NRXN1: variants seen among roughly 807,000 people sequenced by gnomAD.
NRXN1 encodes the protein neurexin 1, also known as neurexin-1.
In NRXN1, 39 loss-of-function variants were observed where a neutral mutation model predicts 150.9. The observed-to-expected ratio is 0.26, with a 90% CI of 0.20 to 0.34. The LOEUF (loss-of-function observed/expected upper bound fraction) is 0.34, where lower values mean the gene tolerates loss of function less well. NRXN1 is among the 10% of genes least tolerant of loss of function. The pLI, the probability that NRXN1 is intolerant of heterozygous loss-of-function variation, is 1.00. For synonymous variants in NRXN1, 924 were observed against 757.0 expected (o/e 1.22, Z -3.62); for missense variants, 1,815 against 1,949.9 (o/e 0.93, Z 1.30).
intron 5 of NRXN1, among the ~76,000 whole-genome samples, chr2:50,640,355 G>T (rs1437318528): frequency 1.3e-5 from 2 of 151,900 alleles, no homozygotes; most frequent in Non-Finnish European, 2.9e-5. Flanking sequence ...AAAACCTTAT[G>T]GTTCTTTAAA....
intron 8 of NRXN1, among the ~76,000 whole-genome samples, chr2:50,586,143 C>T (rs141176675): frequency 6.9e-4 from 105 of 152,256 alleles, no homozygotes; most frequent in African/African-American, 1.9e-3. Flanking sequence ...GTCTGAAATG[C>T]CCCAAACCTA....
intron 17 of NRXN1, among the ~76,000 whole-genome samples, chr2:50,262,575 T>G (rs912937816): frequency 2.6e-5 from 4 of 152,000 alleles, no homozygotes; most frequent in Admixed American, 6.6e-5. Flanking sequence ...AATTCCTACT[T>G]AGAAGAACAG....
At chr2:50,987,087 CAA>C (rs1697839218) in intron 2 of NRXN1, among the ~76,000 whole-genome samples, 1 of 151,760 alleles carries the variant, frequency 6.6e-6, no homozygotes, top group South Asian at 2.1e-4. Context: ...ACAAATTAAA[CAA>C]GAGGAGAAAA....
intron 17 of NRXN1, among the ~76,000 whole-genome samples, chr2:50,421,293 A>G (rs975730384): frequency 1.3e-5 from 2 of 152,084 alleles, no homozygotes; most frequent in African/African-American, 4.8e-5. Flanking sequence ...TGTTGTATGC[A>G]TCGGTAAGGA....
At chr2:50,293,461 T>C (rs1010497434) in intron 17 of NRXN1, among the ~76,000 whole-genome samples, 1 of 152,146 alleles carries the variant, frequency 6.6e-6, no homozygotes, top group African/African-American at 2.4e-5. Flanking sequence ...TAGCCCTGCA[T>C]AGGGAAGAAG....
chr2:49,920,388 C>T lies in NRXN1; in HGVS notation c.*1556G>A, dbSNP rs550968792. On this transcript the variant is annotated 3_prime_UTR_variant, in exon 23 of 23. Coordinates refer to ENST00000401669, the MANE Select transcript of NRXN1 (RefSeq NM_001330078.2). ...ATTATTTTATTAGAAAGAAAGTTTT[C>T]AATTGCAGCAGCCAGAGTTAAGGTG... is the stretch of plus-strand genomic sequence containing the variant. 6.6e-6 allele frequency: 1 copy of T among 152,632 alleles called. No homozygotes were observed. The highest frequency in any genetic ancestry group is 1.5e-5 in the Non-Finnish European group (1 of 67,994). 9.5% of individuals were successfully genotyped at this position (152,632 alleles called of 1,614,324 possible).
intron 8 of NRXN1, among the ~76,000 whole-genome samples, chr2:50,577,551 A>G (rs770749457): frequency 1.3e-5 from 2 of 152,136 alleles, no homozygotes; most frequent in Non-Finnish European, 2.9e-5. Flanking sequence ...AACATTACTA[A>G]GTACTTTTTC....
intron 17 of NRXN1, among the ~76,000 whole-genome samples, chr2:50,377,101 T>A (rs1460670263): frequency 6.6e-6 from 1 of 152,114 alleles, no homozygotes; most frequent in Non-Finnish European, 1.5e-5. Context: ...TTTTAAAAAA[T>A]TAATTTAAGA....
At chr2:50,203,798 T>C (rs551706869) in intron 18 of NRXN1, among the ~76,000 whole-genome samples, 10 of 152,304 alleles carry the variant, frequency 6.6e-5, no homozygotes, top group East Asian at 1.9e-4. Context: ...ATAGTTCTTT[T>C]CTTCTTCATT....
At chr2:49,928,090 A>G in intron 22 of NRXN1, among the ~76,000 whole-genome samples, 1 of 152,062 alleles carries the variant, frequency 6.6e-6, no homozygotes, top group Non-Finnish European at 1.5e-5. Context: ...GAAACTACCA[A>G]TCTTAGGAAA....
intron 17 of NRXN1, among the ~76,000 whole-genome samples, chr2:50,277,312 G>A (rs899501300): frequency 3.3e-5 from 5 of 150,780 alleles, no homozygotes; most frequent in Non-Finnish European, 7.4e-5. Flanking sequence ...ACTCTACTCT[G>A]CTGCTTGCTG....
At chr2:50,048,701 T>C (rs543703899) in intron 21 of NRXN1, among the ~76,000 whole-genome samples, 138 of 152,290 alleles carry the variant, frequency 9.1e-4, no homozygotes, top group Admixed American at 1.6e-3. Context: ...CTGACTTTAA[T>C]AGGATGTCTC....
chr2:49,959,326 C>T (rs1306635507), intron 21 of NRXN1, among the ~76,000 whole-genome samples: 2 of 152,142 alleles, frequency 1.3e-5, no homozygotes, highest in African/African-American at 2.4e-5. Flanking sequence ...CTGAAAAACT[C>T]GAAGGTACAC....
At chr2:50,348,278 G>A (rs891079754) in intron 17 of NRXN1, among the ~76,000 whole-genome samples, 1 of 152,060 alleles carries the variant, frequency 6.6e-6, no homozygotes, top group African/African-American at 2.4e-5. Context: ...GGAAGTTCAG[G>A]GGACCAAAAC....
chr2:49,986,182 A>C (rs752290989), intron 21 of NRXN1, among the ~76,000 whole-genome samples: 2 of 152,226 alleles, frequency 1.3e-5, no homozygotes, highest in Non-Finnish European at 2.9e-5. Context: ...TAATCACATA[A>C]ATAATCTAGC....
chr2:50,606,092 A>C (rs2104000637), intron 8 of NRXN1, among the ~76,000 whole-genome samples: 1 of 152,062 alleles, frequency 6.6e-6, no homozygotes, highest in Admixed American at 6.5e-5. Context: ...CTACCAAAAA[A>C]TACAAAAATT....
intron 12 of NRXN1, among the ~76,000 whole-genome samples, chr2:50,511,843 T>C (rs2092464001): frequency 6.6e-6 from 1 of 152,148 alleles, no homozygotes; most frequent in Non-Finnish European, 1.5e-5. Context: ...AGTAACCACA[T>C]TTGCTAATGA....
intron 2 of NRXN1, among the ~76,000 whole-genome samples, chr2:50,965,009 C>A (rs974123244): frequency 3.3e-5 from 5 of 151,268 alleles, no homozygotes; most frequent in Non-Finnish European, 5.9e-5. Flanking sequence ...GAGCCAAGAA[C>A]ACATTAGGTG....
At chr2:50,689,438 C>T (rs566372954) in intron 5 of NRXN1, among the ~76,000 whole-genome samples, 14 of 152,168 alleles carry the variant, frequency 9.2e-5, no homozygotes, top group Non-Finnish European at 1.6e-4. Flanking sequence ...GACAATTTTA[C>T]TCTAAATGCC....
Sources: gnomAD v4.1 joint callset for allele counts (sites outside exome capture counted in the v4.1 genomes callset) on GRCh38, gnomAD v4.1.1 for gene constraint, MANE v1.5 for transcripts, NCBI Gene and HGNC (gene_info 2026-07-23, HGNC 2026-07-21) for gene names.